Variants in FRG2B observed in about 807,000 individuals in gnomAD.
FRG2B encodes the protein FSHD region gene 2 family member B.
For missense variants in FRG2B, 95 were observed against 310.7 expected, an observed-to-expected ratio of 0.31 and a Z score of 5.22; for synonymous variants, 33 against 117.1, an observed-to-expected ratio of 0.28 and a Z score of 4.64.
In FRG2B at chr10:133,625,425, T is replaced by A. The variant is rs201901202; in HGVS notation, c.511A>T (p.Ile171Phe). ...SRALGVQTPS[I>F]RKSLVTSVRA... is the part of the protein sequence containing the mutation. ...ACAGAGGTCACCAAGCTTTTTCGAA[T>A]TGACGGTGTTTGGACTCCTAGGGCC... The change falls in exon 4 of 4, where the codon ATT becomes TTT. Residue 171 changes from isoleucine (I) to phenylalanine (F), a missense_variant. Coordinates refer to ENST00000425520, the MANE Select transcript of FRG2B (RefSeq NM_001080998.2). 6.6e-6 allele frequency: 10 copies of A among 1,522,904 alleles called. No homozygotes were observed. The East Asian group carries it at 2.2e-4, about 33-fold the overall frequency. The allele number at this position is 1,522,904 out of a possible 1,614,324, so 94.3% of individuals were successfully genotyped here. A position where few individuals can be genotyped will look rare whatever the true frequency, so the allele number is the denominator to read the frequency against.
chr10:133,624,478 C>T lies in FRG2B; in HGVS notation c.*621G>A, dbSNP rs983593192. 3 of 90,576 alleles carry T rather than the reference C, an allele frequency of 3.3e-5. No homozygotes were observed. Among genetic ancestry groups the T allele is most frequent in the Non-Finnish European group, 5.8e-5 (3 of 51,284 alleles). The allele number at this position is 90,576 out of a possible 1,614,324, so 5.6% of individuals were successfully genotyped here. On this transcript the variant is annotated 3_prime_UTR_variant, in exon 4 of 4. Transcript: ENST00000425520. ...GCGGCTCATGCCTGTAATCCCAGCA[C>T]GTTGGGAGGCGGAGGCTGGCAGATC...
Position 133,625,355 on chromosome 10 carries a change from C to T in FRG2B, c.581G>A (p.Trp194Ter), listed in dbSNP as rs1236496847. 7 of 1,603,358 alleles carry T rather than the reference C, an allele frequency of 4.4e-6. No individual in the cohort carries two copies. The highest frequency in any genetic ancestry group is 5.9e-6 in the Non-Finnish European group (7 of 1,177,314). ...EAVYQDLAQV[W>*]AQQIHSPLTC... Reference sequence around the variant, plus strand: ...AAGTGGAGAATGGATCTGCTGTGCCCACACCTGGGCTAGGTCTTGATAAAC... The same window carrying T: ...AAGTGGAGAATGGATCTGCTGTGCCTACACCTGGGCTAGGTCTTGATAAAC... The change falls in exon 4 of 4, where the codon TGG becomes TAG. Residue 194 changes from tryptophan (W) to a stop codon, truncating the protein, a stop_gained. Transcript: ENST00000425520. LOFTEE classifies it low-confidence loss of function (END_TRUNC).
chr10:133,625,431 G>A lies in FRG2B; in HGVS notation c.505C>T (p.Pro169Ser), dbSNP rs769048271. 20 of 1,610,720 alleles carry A rather than the reference G, an allele frequency of 1.2e-5. No individual in the cohort carries two copies. Among genetic ancestry groups the A allele is most frequent in the Middle Eastern group, 1.7e-4 (1 of 6,038 alleles). Residue 169 changes from proline to serine, a missense_variant, in exon 4 of 4, where the codon CCG becomes TCG. Coordinates refer to ENST00000425520, the MANE Select transcript of FRG2B (RefSeq NM_001080998.2). ...GTCACCAAGCTTTTTCGAATTGACGGTGTTTGGACTCCTAGGGCCCGAGAC... is the reference window on the plus strand; with the variant it reads ...GTCACCAAGCTTTTTCGAATTGACGATGTTTGGACTCCTAGGGCCCGAGAC... ...HRSRALGVQT[P>S]SIRKSLVTSV...
chr10:133,625,585 C>G lies in FRG2B; in HGVS notation c.351G>C (p.Glu117Asp). Reference protein sequence around the residue: ...QDTAGNCPEKECSLSLNKKSR... With the variant: ...QDTAGNCPEKDCSLSLNKKSR... ...ATTTTTTATTCAATGACAAGCTGCA[C>G]TCCTTTTCTGGACAGTTCCCTGCAA... is the stretch of plus-strand genomic sequence containing the variant. Residue 117 changes from glutamate to aspartate, a missense_variant, in exon 4 of 4, where the codon GAG becomes GAC. Transcript: ENST00000425520. 6.3e-7 allele frequency: 1 copy of G among 1,578,094 alleles called. No homozygotes were observed. Among genetic ancestry groups the G allele is most frequent in the Non-Finnish European group, 8.6e-7 (1 of 1,164,144 alleles).
Position 133,626,594 on chromosome 10 carries a change from TG to T in FRG2B, c.148del (p.His50IlefsTer51), listed in dbSNP as rs1852511133. ...FKEKGKTAFS[H>X]SSEKHIQRQG... Reference sequence around the variant, plus strand: ...CCTTTGTATGTGCTTCTCACTGGAATGGGAGAAGGCGGTCTTGCCTTTTTCT... The same window carrying T: ...CCTTTGTATGTGCTTCTCACTGGAATGGAGAAGGCGGTCTTGCCTTTTTCT... On this transcript the variant is annotated frameshift_variant, in exon 1 of 4. Transcript: ENST00000425520. LOFTEE classifies it high-confidence loss of function. 6.2e-7 allele frequency: 1 copy of T among 1,613,186 alleles called. No individual in the cohort carries two copies. Among genetic ancestry groups the T allele is most frequent in the South Asian group, 1.1e-5 (1 of 91,040 alleles).
intron 3 of FRG2B, 124 bp from the exon 4 acceptor site, chr10:133,625,728 T>C (rs572385626): frequency 6.4e-7 from 1 of 1,550,416 alleles, no homozygotes; most frequent in South Asian, 1.3e-5. Context: ...ATCTCAGCAC[T>C]GGAATGAAGT....
Position 133,625,579 on chromosome 10 carries a change from G to A in FRG2B, c.357C>T (p.Ser119=), listed in dbSNP as rs1444093964. The change falls in exon 4 of 4, where the codon AGC becomes AGT. Residue 119 remains serine (S), a synonymous_variant. Transcript: ENST00000425520. ...ATCTTGATTTTTTATTCAATGACAA[G>A]CTGCACTCCTTTTCTGGACAGTTCC... The part of the protein sequence containing the change: ...TAGNCPEKEC[S]LSLNKKSRSS... The A allele has an allele frequency of 3.8e-6, 6 of 1,578,278 alleles. No homozygotes were observed. Among genetic ancestry groups the A allele is most frequent in the Admixed American group, 3.4e-5 (2 of 58,570 alleles).
In FRG2B at chr10:133,624,691, T is replaced by C; in HGVS notation, c.*408A>G. 1 of 227,040 alleles carries C rather than the reference T, an allele frequency of 4.4e-6. No homozygotes were observed. 14.1% of individuals were successfully genotyped at this position (227,040 alleles called of 1,614,324 possible). A position where few individuals can be genotyped will look rare whatever the true frequency, so the allele number is the denominator to read the frequency against. ...GTGAGCTAAGATTGTGCCACTGCAC[T>C]CCAGCCTGGGTAACATAGCAAGACT... On this transcript the variant is annotated 3_prime_UTR_variant, in exon 4 of 4. Transcript: ENST00000425520.
In FRG2B at chr10:133,624,366, T is replaced by C. The variant is rs1852481588; in HGVS notation, c.*733A>G. ...CACAGGGAGTGCTATTAATGGTTTG[T>C]GGATATTAGTACTCCATGGGTTCAG... On this transcript the variant is annotated 3_prime_UTR_variant, in exon 4 of 4. Transcript: ENST00000425520. 1.0e-5 allele frequency: 1 copy of C among 96,978 alleles called. No individual in the cohort carries two copies. Among genetic ancestry groups the C allele is most frequent in the Non-Finnish European group, 1.8e-5 (1 of 56,534 alleles). The allele number at this position is 96,978 out of a possible 1,614,324, so 6.0% of individuals were successfully genotyped here.
At position 133,624,154 on chromosome 10, in the gene FRG2B, AAATAT is replaced by A. The variant is rs1241017468; in HGVS notation, c.*940_*944del. The A allele has an allele frequency of 2.2e-5, 2 of 90,946 alleles. No homozygotes were observed. The highest frequency in any genetic ancestry group is 6.5e-5 in the African/African-American group (1 of 15,298). 5.6% of individuals were successfully genotyped at this position (90,946 alleles called of 1,614,324 possible). A position where few individuals can be genotyped will look rare whatever the true frequency, so the allele number is the denominator to read the frequency against. On this transcript the variant is annotated 3_prime_UTR_variant, in exon 4 of 4. Transcript: ENST00000425520. ...ATAGTACAATCAATTGAAATGTATA[AAATAT>A]AATAAAATATAAATTTAGGATGTTT...
chr10:133,625,452 G>A lies in FRG2B; in HGVS notation c.484C>T (p.Arg162Trp), dbSNP rs1276099390. ...GACGGTGTTTGGACTCCTAGGGCCC[G>A]AGACCTATGCCGCTTGCTGCGCCCA... ...CTGRSKRHRS[R>W]ALGVQTPSIR... The change falls in exon 4 of 4, where the codon CGG becomes TGG. Residue 162 changes from arginine (R) to tryptophan (W), a missense_variant. Coordinates refer to ENST00000425520, the MANE Select transcript of FRG2B (RefSeq NM_001080998.2). 1.9e-6 allele frequency: 3 copies of A among 1,611,174 alleles called. No homozygotes were observed. Among genetic ancestry groups the A allele is most frequent in the African/African-American group, 1.3e-5 (1 of 74,234 alleles).
In FRG2B at chr10:133,625,524, G is replaced by C; in HGVS notation, c.412C>G (p.Gln138Glu). ...SSTPVHNSEI[Q>E]ETCDAHHRGR... is the part of the protein sequence containing the mutation. ...CTATGGTGGGCATCACAGGTCTCCT[G>C]GATTTCACTGTTGTGCACAGGAGTG... The change falls in exon 4 of 4, where the codon CAG becomes GAG. Residue 138 changes from glutamine to glutamate, a missense_variant. By Grantham distance (29) the Gln-to-Glu change is conservative. Transcript: ENST00000425520. 3.7e-6 allele frequency: 6 copies of C among 1,603,080 alleles called. No individual in the cohort carries two copies. Among genetic ancestry groups the C allele is most frequent in the Non-Finnish European group, 5.1e-6 (6 of 1,174,670 alleles).
chr10:133,625,591 T>A lies in FRG2B; in HGVS notation c.345A>T (p.Glu115Asp), dbSNP rs368657883. ...SCQDTAGNCP[E>D]KECSLSLNKK... The stretch of plus-strand genomic sequence containing the variant: ...TATTCAATGACAAGCTGCACTCCTT[T>A]TCTGGACAGTTCCCTGCAAAGAAAG... The change falls in exon 4 of 4, where the codon GAA (glutamate) becomes GAT (aspartate). Residue 115 changes from glutamate (E) to aspartate (D), a missense_variant. By Grantham distance (45) the Glu-to-Asp change is conservative. Coordinates refer to ENST00000425520, the MANE Select transcript of FRG2B (RefSeq NM_001080998.2). 8.7e-5 allele frequency: 137 copies of A among 1,573,470 alleles called. 12 individuals are homozygous for A. The African/African-American group carries it at 1.9e-3, about 21-fold the overall frequency.
Position 133,624,715 on chromosome 10 carries a change from C to T in FRG2B, c.*384G>A. 1 of 267,880 alleles carries T rather than the reference C, an allele frequency of 3.7e-6. No homozygotes were observed. Among genetic ancestry groups the T allele is most frequent in the Non-Finnish European group, 7.1e-6 (1 of 140,906 alleles). 16.6% of individuals were successfully genotyped at this position (267,880 alleles called of 1,614,324 possible). On this transcript the variant is annotated 3_prime_UTR_variant, in exon 4 of 4. Coordinates refer to ENST00000425520, the MANE Select transcript of FRG2B (RefSeq NM_001080998.2). ...CTCCAGCCTGGGTAACATAGCAAGA[C>T]TGTCTCAAAAAAAAAAACAAAAAAG... is the stretch of plus-strand genomic sequence containing the variant.
In FRG2B at chr10:133,625,615, A is replaced by T. The variant is rs761411794; in HGVS notation, c.332-11T>A. ...TTTCTGGACAGTTCCCTGCAAAGAA[A>T]GCATGTGAGAGACTCACCAGAGCAG... On this transcript the variant is annotated splice_polypyrimidine_tract_variant and intron_variant, in intron 3 of 3. Transcript: ENST00000425520. The T allele has an allele frequency of 1.2e-4, 183 of 1,568,564 alleles. 2 individuals are homozygous for T. The highest frequency in any genetic ancestry group is 1.5e-4 in the Non-Finnish European group (179 of 1,158,744).
rs376585112 is a variant in FRG2B at position 133,626,771 on chromosome 10, C to T, written c.-29G>A. On this transcript the variant is annotated 5_prime_UTR_variant, in exon 1 of 4. Transcript: ENST00000425520. ...GAAGCTCAAGTGAAAGGTGCGCTCT[C>T]TCTCACGTCCAAAGGCAGAGTGTGG... 5.0e-4 allele frequency: 805 copies of T among 1,610,012 alleles called. No homozygotes were observed. In the African/African-American group the frequency reaches 8.4e-3, roughly 17 times the overall value.
rs1454708087 is a variant in FRG2B, at chr10:133,625,159, A to G, written c.777T>C (p.His259=). The part of the protein sequence containing the change: ...PGESALDREA[H]PFPGQEITET... ...CAGTTATCTCCTGCCCAGGGAAGGG[A>G]TGGGCTTCTCTATCCAGGGCTGATT... is the stretch of plus-strand genomic sequence containing the variant. The change falls in exon 4 of 4, where the codon CAT becomes CAC. Residue 259 remains histidine, a synonymous_variant. Coordinates refer to ENST00000425520, the MANE Select transcript of FRG2B (RefSeq NM_001080998.2). The G allele has an allele frequency of 2.2e-6, 3 of 1,378,230 alleles. No individual in the cohort carries two copies. The highest frequency in any genetic ancestry group is 4.4e-5 in the Admixed American group (2 of 45,286). 85.4% of individuals were successfully genotyped at this position (1,378,230 alleles called of 1,614,324 possible).
At position 133,625,422 on chromosome 10, in the gene FRG2B, G is replaced by C. The variant is rs370297187; in HGVS notation, c.514C>G (p.Arg172Gly). Reference sequence around the variant, plus strand: ...CGCACAGAGGTCACCAAGCTTTTTCGAATTGACGGTGTTTGGACTCCTAGG... The same window carrying C: ...CGCACAGAGGTCACCAAGCTTTTTCCAATTGACGGTGTTTGGACTCCTAGG... ...RALGVQTPSI[R>G]KSLVTSVRAM... The change falls in exon 4 of 4, where the codon CGA becomes GGA. Residue 172 changes from arginine (R) to glycine (G), a missense_variant. Coordinates refer to ENST00000425520, the MANE Select transcript of FRG2B (RefSeq NM_001080998.2). The C allele has an allele frequency of 6.2e-7, 1 of 1,609,774 alleles. No individual in the cohort carries two copies. Among genetic ancestry groups the C allele is most frequent in the South Asian group, 1.1e-5 (1 of 89,996 alleles).
chr10:133,625,056 C>T lies in FRG2B; in HGVS notation c.*43G>A, dbSNP rs1380815599. ...ATCTGAGAAGAAGCAGATCCTTGTT[C>T]TCATTCCCAGAGCTGCATCTCTGCT... is the stretch of plus-strand genomic sequence containing the variant. On this transcript the variant is annotated 3_prime_UTR_variant, in exon 4 of 4. Transcript: ENST00000425520. 4 of 499,596 alleles carry T rather than the reference C, an allele frequency of 8.0e-6. No homozygotes were observed. In the South Asian group the frequency reaches 9.9e-5, roughly 12 times the overall value. The allele number at this position is 499,596 out of a possible 1,614,324, so 30.9% of individuals were successfully genotyped here.
Sources: allele counts gnomAD v4.1 joint callset, GRCh38; gene constraint gnomAD v4.1.1; transcripts MANE v1.5; gene names NCBI Gene and HGNC (gene_info 2026-07-23, HGNC 2026-07-21).